The following NDST4 variants were observed in gnomAD, a reference collection of about 807,000 sequenced individuals.
The protein encoded by NDST4 is N-heparan sulfate sulfotransferase 4.
A neutral mutation model predicts 100.8 loss-of-function variants in NDST4; 63 were observed. That is an observed-to-expected ratio of 0.62 (90% CI 0.51 to 0.77). The LOEUF (loss-of-function observed/expected upper bound fraction) is 0.77, where lower values mean the gene tolerates loss of function less well. Among genes scored for constraint, NDST4 ranks in the 30% least tolerant of loss-of-function variants. NDST4 has a pLI of 0.00. For synonymous variants in NDST4, 377 were observed against 361.8 expected (o/e 1.04, Z -0.48); for missense variants, 943 against 1,018.4 (o/e 0.93, Z 1.01).
chr4:115,070,907 C>T (rs1177034439), intron 2 of NDST4, among the ~76,000 whole-genome samples: 1 of 152,006 alleles, frequency 6.6e-6, no homozygotes, highest in African/African-American at 2.4e-5. Context: ...AAGTTTGATG[C>T]CAGCGTGGCC....
chr4:115,051,608 G>C (rs1435628965), intron 2 of NDST4, among the ~76,000 whole-genome samples: 1 of 151,990 alleles, frequency 6.6e-6, no homozygotes, highest in Non-Finnish European at 1.5e-5. Context: ...TCTTTTTTAT[G>C]GCCAAATAAT....
Position 114,929,074 on chromosome 4 carries a change from G to GTCCGTCCGTCCA in NDST4, c.1536+6131_1536+6132insTGGACGGACGGA, listed in dbSNP as rs1560816975. Among the ~76,000 whole-genome samples, 458 of 120,316 alleles carry GTCCGTCCGTCCA rather than the reference G, an allele frequency of 3.8e-3. 2 individuals carry two copies. The highest frequency in any genetic ancestry group is 7.9e-3 in the Middle Eastern group (2 of 252). 78.9% of individuals were successfully genotyped at this position (120,316 alleles called of 152,430 possible). On this transcript the variant is annotated intron_variant, in intron 6 of 13. Coordinates refer to ENST00000264363, the MANE Select transcript of NDST4 (RefSeq NM_022569.3). ...CGTCCGTCCGTCCGTCCGTCCGTCC[G>GTCCGTCCGTCCA]TCCATCCATCCATCCATCCATCCAT...
chr4:115,036,082 C>T (rs781063984), intron 2 of NDST4, among the ~76,000 whole-genome samples: 38 of 151,926 alleles, frequency 2.5e-4, no homozygotes, highest in Non-Finnish European at 4.6e-4. Context: ...TTTATTAAAG[C>T]ATACTTGTTT....
chr4:114,960,594 G>T (rs1726240752), intron 4 of NDST4, among the ~76,000 whole-genome samples: 1 of 152,014 alleles, frequency 6.6e-6, no homozygotes, highest in South Asian at 2.1e-4. Context: ...GTTGGTAAAG[G>T]TAATTACGTA....
intron 6 of NDST4, among the ~76,000 whole-genome samples, chr4:114,881,424 C>A (rs184956585): frequency 3.1e-4 from 47 of 152,128 alleles, no homozygotes; most frequent in Admixed American, 1.2e-3. Context: ...GATACTGGAG[C>A]AATTTCACCT....
chr4:114,938,032 A>T (rs1409206015), intron 4 of NDST4, among the ~76,000 whole-genome samples: 1 of 152,198 alleles, frequency 6.6e-6, no homozygotes, highest in African/African-American at 2.4e-5. Context: ...GAGGGCCAAG[A>T]TCTGCTCTGA....
intron 6 of NDST4, among the ~76,000 whole-genome samples, chr4:114,902,039 T>C (rs1007756315): frequency 2.6e-5 from 4 of 152,070 alleles, no homozygotes; most frequent in African/African-American, 9.7e-5. Flanking sequence ...GTGACACATA[T>C]ATGAAACATA....
chr4:114,881,849 T>G (rs545947248), intron 6 of NDST4, among the ~76,000 whole-genome samples: 10 of 152,294 alleles, frequency 6.6e-5, no homozygotes, highest in Middle Eastern at 3.4e-3. Context: ...ACAACTCACT[T>G]TATGGCTACA....
rs967472421 is a variant in NDST4, at chr4:115,111,396, C to T, written c.-247+2048G>A. 2.0e-4 allele frequency among the ~76,000 whole-genome samples: 30 copies of T among 151,656 alleles called. No homozygotes were observed. The East Asian group carries it at 5.8e-3, about 29-fold the overall frequency. On this transcript the variant is annotated intron_variant, in intron 1 of 13. Coordinates refer to ENST00000264363, the MANE Select transcript of NDST4 (RefSeq NM_022569.3). Reference sequence around the variant, plus strand: ...TGAACATAAGCATGAGCATATGTTTCTATTTTGATTATCAATTATAGAAAT... The same window carrying T: ...TGAACATAAGCATGAGCATATGTTTTTATTTTGATTATCAATTATAGAAAT...
Position 115,056,443 on chromosome 4 carries a change from C to CTAACT in NDST4, c.978+19611_978+19615dup, listed in dbSNP as rs577161327. ...AAGAGTGATGATGATGTTGATAGAG[C>CTAACT]TAACTTAGTTTCAAACAACTGTTGA... On this transcript the variant is annotated intron_variant, in intron 2 of 13. Transcript: ENST00000264363. Among the ~76,000 whole-genome samples the CTAACT allele has an allele frequency of 3.6e-4, 55 of 152,238 alleles. No homozygotes were observed. In the East Asian group the frequency reaches 0.01, roughly 28 times the overall value.
chr4:114,852,476 G>A (rs1253086944), intron 8 of NDST4, among the ~76,000 whole-genome samples: 2 of 152,136 alleles, frequency 1.3e-5, no homozygotes, highest in Non-Finnish European at 2.9e-5. Context: ...AATTTGGCAT[G>A]TATGTTGAAC....
chr4:115,002,396 G>C (rs766539643), intron 2 of NDST4, among the ~76,000 whole-genome samples: 13 of 152,082 alleles, frequency 8.5e-5, no homozygotes, highest in Non-Finnish European at 1.8e-4. Flanking sequence ...CTGGATATTA[G>C]CCCTTTGTCA....
intron 2 of NDST4, among the ~76,000 whole-genome samples, chr4:115,002,579 GT>G (rs1453123721): frequency 6.6e-6 from 1 of 152,154 alleles, no homozygotes; most frequent in African/African-American, 2.4e-5. Flanking sequence ...TCACGCCTAT[GT>G]CCTGAATCGT....
chr4:114,849,581 T>A (rs1723628194), intron 8 of NDST4, among the ~76,000 whole-genome samples: 1 of 151,072 alleles, frequency 6.6e-6, no homozygotes, highest in Non-Finnish European at 1.5e-5. Flanking sequence ...CAAGAGGTAA[T>A]GAGTAGCTAA....
intron 6 of NDST4, among the ~76,000 whole-genome samples, chr4:114,883,755 G>C (rs1185892961): frequency 1.3e-5 from 2 of 152,078 alleles, no homozygotes; most frequent in African/African-American, 4.8e-5. Context: ...GCTAGAGTAG[G>C]GGGAAGTAGG....
intron 1 of NDST4, among the ~76,000 whole-genome samples, chr4:115,090,552 T>A: frequency 6.6e-6 from 1 of 152,072 alleles, no homozygotes; most frequent in Non-Finnish European, 1.5e-5. Flanking sequence ...TTGATATTTT[T>A]TTCTAGAATT....
chr4:114,861,964 T>C (rs1723927309), intron 7 of NDST4, among the ~76,000 whole-genome samples: 2 of 152,168 alleles, frequency 1.3e-5, no homozygotes, highest in African/African-American at 4.8e-5. Context: ...TTTCTTTGTG[T>C]GTATGTTTGT....
intron 8 of NDST4, among the ~76,000 whole-genome samples, chr4:114,849,027 A>G (rs567442527): frequency 1.3e-5 from 2 of 152,340 alleles, no homozygotes; most frequent in Admixed American, 6.5e-5. Flanking sequence ...CCTTAAAAAC[A>G]TAAGTGTTAC....
intron 2 of NDST4, among the ~76,000 whole-genome samples, chr4:115,001,789 G>T (rs1727295185): frequency 6.6e-6 from 1 of 152,176 alleles, no homozygotes; most frequent in African/African-American, 2.4e-5. Flanking sequence ...AAAATGACTT[G>T]CAGCTTTCAA....
Sources: gnomAD v4.1 joint callset for allele counts (sites outside exome capture counted in the v4.1 genomes callset) on GRCh38, gnomAD v4.1.1 for gene constraint, MANE v1.5 for transcripts, NCBI Gene and HGNC (gene_info 2026-07-23, HGNC 2026-07-21) for gene names.